The following NTN1 variants were observed in gnomAD, a reference collection of about 807,000 sequenced individuals.
NTN1 encodes netrin 1, also known as netrin-1.
A neutral mutation model predicts 54.2 loss-of-function variants in NTN1; 11 were observed. The observed-to-expected ratio is 0.20, with a 90% CI of 0.13 to 0.34. The LOEUF is 0.34. Among genes scored for constraint, NTN1 ranks in the 10% least tolerant of loss-of-function variants. The pLI, the probability that NTN1 is intolerant of heterozygous loss-of-function variation, is 1.00. For missense variants in NTN1, 740 were observed against 893.1 expected, an observed-to-expected ratio of 0.83 and a Z score of 2.18; for synonymous variants, 371 against 382.0, an observed-to-expected ratio of 0.97 and a Z score of 0.33.
intron 2 of NTN1, among the ~76,000 whole-genome samples, chr17:9,031,929 C>T (rs2091889468): frequency 6.6e-6 from 1 of 151,710 alleles, no homozygotes; most frequent in African/African-American, 2.4e-5. Context: ...CCACTGCACT[C>T]CAGCCTGGGT....
chr17:9,192,392 A>G (rs16958012), intron 5 of NTN1, among the ~76,000 whole-genome samples: 27,427 of 152,202 alleles, frequency 0.18, 2,601 homozygotes, highest in Non-Finnish European at 0.21. Flanking sequence ...GACACAACAC[A>G]TTACACCTGA....
chr17:9,185,460 G>A (rs2092430467), intron 5 of NTN1, among the ~76,000 whole-genome samples: 1 of 152,224 alleles, frequency 6.6e-6, no homozygotes, highest in South Asian at 2.1e-4. Context: ...TCTGAAAGCT[G>A]ATGGACATAA....
Position 9,189,393 on chromosome 17 carries a change from C to T in NTN1, c.1411+6424C>T, listed in dbSNP as rs115808861. ...TTGAGACGAAGTTTTGCTCTTTCGC[C>T]CAGGCTGTAGTGCAGTGGCACAATC... On this transcript the variant is annotated intron_variant, in intron 5 of 6. Transcript: ENST00000173229. Among the ~76,000 whole-genome samples, 676 of 152,274 alleles carry T rather than the reference C, an allele frequency of 4.4e-3. 9 individuals are homozygous for T. The highest frequency in any genetic ancestry group is 0.015 in the African/African-American group (629 of 41,534).
chr17:9,064,458 C>T (rs1224928102), intron 2 of NTN1, among the ~76,000 whole-genome samples: 2 of 152,172 alleles, frequency 1.3e-5, no homozygotes, highest in African/African-American at 4.8e-5. Flanking sequence ...GCGTCGATGC[C>T]TCATGGGCAC....
At chr17:9,075,509 C>A (rs1158115787) in intron 2 of NTN1, among the ~76,000 whole-genome samples, 1 of 152,036 alleles carries the variant, frequency 6.6e-6, no homozygotes, top group African/African-American at 2.4e-5. Context: ...AACAAACAAA[C>A]AAAAAATAAA....
At chr17:9,029,999 A>G (rs983044428) in intron 2 of NTN1, among the ~76,000 whole-genome samples, 5 of 151,956 alleles carry the variant, frequency 3.3e-5, no homozygotes, top group African/African-American at 1.2e-4. Flanking sequence ...TCAAAAAAAA[A>G]AGAAAAAGTT....
At chr17:9,124,213 G>A (rs1009664992) in intron 2 of NTN1, among the ~76,000 whole-genome samples, 6 of 152,274 alleles carry the variant, frequency 3.9e-5, no homozygotes, top group South Asian at 4.2e-4. Flanking sequence ...ACTTCTAGAC[G>A]CTTTTCTTCC....
At chr17:9,141,279 A>G (rs539283247) in intron 2 of NTN1, among the ~76,000 whole-genome samples, 10 of 151,832 alleles carry the variant, frequency 6.6e-5, no homozygotes, top group Non-Finnish European at 1.3e-4. Context: ...AGCTGGAAGA[A>G]CGCCAGCTTT....
intron 3 of NTN1, among the ~76,000 whole-genome samples, chr17:9,164,959 T>C (rs562209026): frequency 6.6e-6 from 1 of 152,190 alleles, no homozygotes; most frequent in African/African-American, 2.4e-5. Context: ...GAGAACATAG[T>C]TGGAAGGTAT....
intron 5 of NTN1, among the ~76,000 whole-genome samples, chr17:9,220,252 C>G (rs1905301218): frequency 6.6e-6 from 1 of 152,184 alleles, no homozygotes; most frequent in South Asian, 2.1e-4. Flanking sequence ...TGATACCTAC[C>G]CATCAAAGAA....
intron 3 of NTN1, among the ~76,000 whole-genome samples, chr17:9,164,000 C>A (rs1279700711): frequency 1.3e-5 from 2 of 152,256 alleles, no homozygotes; most frequent in Admixed American, 1.3e-4. Context: ...CCACGGCAGA[C>A]AGGCCCAGGT....
At chr17:9,230,385 T>TG (rs1905764768) in intron 6 of NTN1, among the ~76,000 whole-genome samples, 1 of 152,036 alleles carries the variant, frequency 6.6e-6, no homozygotes. Flanking sequence ...TTCGGAGACT[T>TG]GCTGACCCTT....
At chr17:9,209,908 G>A (rs991096008) in intron 5 of NTN1, among the ~76,000 whole-genome samples, 4 of 152,046 alleles carry the variant, frequency 2.6e-5, no homozygotes, top group African/African-American at 9.7e-5. Flanking sequence ...GTAACCTTGG[G>A]CATGAGGTGG....
At chr17:9,054,720 G>A (rs917163566) in intron 2 of NTN1, among the ~76,000 whole-genome samples, 4 of 151,716 alleles carry the variant, frequency 2.6e-5, no homozygotes, top group Admixed American at 1.3e-4. Context: ...GGCAGGGGAC[G>A]ACGAGGGGCT....
the NTN1 span, among the ~76,000 whole-genome samples, chr17:9,010,568 C>A: frequency 6.6e-6 from 1 of 152,208 alleles, no homozygotes; most frequent in Non-Finnish European, 1.5e-5. Context: ...CCAAGCATGT[C>A]TTTTAAGATT....
chr17:9,133,734 C>A (rs1287533525), intron 2 of NTN1, among the ~76,000 whole-genome samples: 2 of 147,916 alleles, frequency 1.4e-5, no homozygotes, highest in Non-Finnish European at 3.0e-5. Context: ...ATTACAGGTG[C>A]GCACCACCAT....
chr17:9,163,455 A>C (rs2092364170), intron 3 of NTN1, among the ~76,000 whole-genome samples: 1 of 132,844 alleles, frequency 7.5e-6, no homozygotes. Flanking sequence ...ATATGTGCGC[A>C]CCGCCCCTCA....
At chr17:9,195,114 C>T (rs1904590284) in intron 5 of NTN1, among the ~76,000 whole-genome samples, 1 of 152,172 alleles carries the variant, frequency 6.6e-6, no homozygotes, top group South Asian at 2.1e-4. Context: ...TCCTTTTCCC[C>T]TCTTTCTCCT....
intron 3 of NTN1, among the ~76,000 whole-genome samples, chr17:9,166,269 T>C (rs1332076803): frequency 3.4e-5 from 5 of 149,082 alleles, no homozygotes; most frequent in African/African-American, 1.2e-4. Flanking sequence ...CCTTGCGAGG[T>C]TTGATATTTG....
Sources: allele counts gnomAD v4.1 joint callset (sites outside exome capture counted in the v4.1 genomes callset), GRCh38; gene constraint gnomAD v4.1.1; transcripts MANE v1.5; gene names NCBI Gene and HGNC (gene_info 2026-07-23, HGNC 2026-07-21).